SV2C: variants seen among roughly 807,000 people sequenced by gnomAD.
SV2C encodes the protein synaptic vesicle glycoprotein 2C, also known as solute carrier family 22 member B3.
SV2C carries 49 observed loss-of-function variants against 79.7 expected under a neutral mutation model. That is an observed-to-expected ratio of 0.61 (90% CI 0.49 to 0.78). The LOEUF is 0.78. Among genes scored for constraint, SV2C ranks in the 30% least tolerant of loss-of-function variants. The pLI is 0.00. For synonymous variants in SV2C, 334 were observed against 333.2 expected (o/e 1.00, Z -0.03); for missense variants, 833 against 912.9 (o/e 0.91, Z 1.13).
At chr5:75,991,594 T>TA in the SV2C span, among the ~76,000 whole-genome samples, 1 of 148,442 alleles carries the variant, frequency 6.7e-6, no homozygotes, top group Non-Finnish European at 1.5e-5. Flanking sequence ...TACACACATA[T>TA]ATATATATAT....
the SV2C span, among the ~76,000 whole-genome samples, chr5:76,066,591 A>G: frequency 6.6e-6 from 1 of 151,930 alleles, no homozygotes; most frequent in African/African-American, 2.4e-5. Flanking sequence ...GTACCCTAGA[A>G]CTTAAAGCAT....
chr5:76,017,999 G>A, the SV2C span, among the ~76,000 whole-genome samples: 9 of 152,278 alleles, frequency 5.9e-5, no homozygotes, highest in East Asian at 7.7e-4. Context: ...ATGTGGTCAC[G>A]GTGCCACAGC....
chr5:76,094,439 C>CT (rs1038426451), intron 1 of SV2C, among the ~76,000 whole-genome samples: 6 of 151,940 alleles, frequency 3.9e-5, no homozygotes, highest in South Asian at 2.1e-4. Flanking sequence ...TGTCTGTTTT[C>CT]TTTTTTTTAA....
At chr5:75,875,730 AAAAC>A in the SV2C span, among the ~76,000 whole-genome samples, 1 of 152,306 alleles carries the variant, frequency 6.6e-6, no homozygotes, top group African/African-American at 2.4e-5. Context: ...ATTTACAAGA[AAAAC>A]AGACAACCCC....
chr5:75,859,170 G>C, the SV2C span, among the ~76,000 whole-genome samples: 3 of 151,986 alleles, frequency 2.0e-5, no homozygotes, highest in Non-Finnish European at 2.9e-5. Flanking sequence ...GTTCACTAAA[G>C]GGAAAATAGC....
chr5:75,911,739 T>C, the SV2C span: 2 of 637,374 alleles, frequency 3.1e-6, no homozygotes, highest in Admixed American at 1.8e-5. Context: ...AGAAAGAGGA[T>C]AATAAGCTTG....
At chr5:76,136,636 G>C (rs1294964691) in intron 2 of SV2C, among the ~76,000 whole-genome samples, 1 of 152,038 alleles carries the variant, frequency 6.6e-6, no homozygotes, top group African/African-American at 2.4e-5. Context: ...TCTAGGAATT[G>C]ACATTTAAAC....
the SV2C span, among the ~76,000 whole-genome samples, chr5:75,875,257 A>G: frequency 6.6e-6 from 1 of 152,198 alleles, no homozygotes; most frequent in Non-Finnish European, 1.5e-5. Context: ...AACAGAATAG[A>G]GAGCCCAGAA....
rs1749213319 is a variant in SV2C at position 76,332,473 on chromosome 5, TAAGA to T, written c.*6927_*6930del. 1 of 152,162 alleles carries T rather than the reference TAAGA, an allele frequency of 6.6e-6. No individual in the cohort carries two copies. The allele number at this position is 152,162 out of a possible 1,614,324, so 9.4% of individuals were successfully genotyped here. On this transcript the variant is annotated 3_prime_UTR_variant, in exon 13 of 13. Transcript: ENST00000502798. The stretch of plus-strand genomic sequence containing the variant: ...ACATAGCTATTACTAAAAAATTAAA[TAAGA>T]TTAGATAAATTATAGCTAAAAGCAA...
rs936646317 is a variant in SV2C at position 76,083,452 on chromosome 5, C to G, written c.-162C>G. Reference sequence around the variant, plus strand: ...CGGGGAAGCGAGCCGGAGCGGCGCCCGCACTGAGGCGGCTGCAGTGCTGAC... The same window carrying G: ...CGGGGAAGCGAGCCGGAGCGGCGCCGGCACTGAGGCGGCTGCAGTGCTGAC... On this transcript the variant is annotated 5_prime_UTR_variant, in exon 1 of 13. Coordinates refer to ENST00000502798, the MANE Select transcript of SV2C (RefSeq NM_014979.4). 1.3e-5 allele frequency: 2 copies of G among 152,440 alleles called. No individual in the cohort carries two copies. The highest frequency in any genetic ancestry group is 4.8e-5 in the African/African-American group (2 of 41,456). 9.4% of individuals were successfully genotyped at this position (152,440 alleles called of 1,614,324 possible).
intron 1 of SV2C, among the ~76,000 whole-genome samples, chr5:76,122,792 C>T (rs1007069255): frequency 3.4e-4 from 52 of 151,620 alleles, no homozygotes; most frequent in African/African-American, 1.2e-3. Flanking sequence ...AAATTGACAC[C>T]CTAACATCAC....
chr5:75,970,648 C>T, the SV2C span, among the ~76,000 whole-genome samples: 4 of 152,230 alleles, frequency 2.6e-5, no homozygotes, highest in African/African-American at 9.6e-5. Flanking sequence ...TCTGATTAGA[C>T]CAATAATAGG....
chr5:75,882,330 G>A, the SV2C span, among the ~76,000 whole-genome samples: 1 of 149,966 alleles, frequency 6.7e-6, no homozygotes, highest in African/African-American at 2.5e-5. Flanking sequence ...ACTGCCCAAG[G>A]TAATTTACAG....
At chr5:76,225,354 G>A (rs1745204867) in intron 4 of SV2C, among the ~76,000 whole-genome samples, 1 of 152,168 alleles carries the variant, frequency 6.6e-6, no homozygotes, top group Non-Finnish European at 1.5e-5. Context: ...AGCCCTCAAG[G>A]AGCTCTTCAG....
At chr5:76,280,940 G>A in intron 4 of SV2C, 1 of 532,902 alleles carries the variant, frequency 1.9e-6, no homozygotes, top group Non-Finnish European at 3.8e-6. Flanking sequence ...GACAGGGTCT[G>A]AGCCTGCCAG....
intron 2 of SV2C, among the ~76,000 whole-genome samples, chr5:76,137,700 A>T (rs945670580): frequency 1.3e-5 from 2 of 152,210 alleles, no homozygotes; most frequent in Non-Finnish European, 2.9e-5. Flanking sequence ...TAAAAAAATC[A>T]TATTACAATC....
At chr5:75,935,999 C>T in the SV2C span, among the ~76,000 whole-genome samples, 1 of 152,280 alleles carries the variant, frequency 6.6e-6, no homozygotes, top group South Asian at 2.1e-4. Flanking sequence ...ATGTATGCTT[C>T]ATGTAGCATC....
chr5:75,935,113 A>AT, the SV2C span, among the ~76,000 whole-genome samples: 3 of 152,208 alleles, frequency 2.0e-5, no homozygotes, highest in African/African-American at 7.2e-5. Flanking sequence ...TTGAAATTTC[A>AT]TATTTGATTT....
chr5:75,903,367 G>GTT, the SV2C span, among the ~76,000 whole-genome samples: 1,573 of 138,902 alleles, frequency 0.011, 44 homozygotes, highest in East Asian at 0.12. Flanking sequence ...ACAAAAAGGT[G>GTT]TTTTTTTTTT....
Sources: gnomAD v4.1 joint callset for allele counts (sites outside exome capture counted in the v4.1 genomes callset) on GRCh38, gnomAD v4.1.1 for gene constraint, MANE v1.5 for transcripts, NCBI Gene and HGNC (gene_info 2026-07-23, HGNC 2026-07-21) for gene names.